Variants in TMEM132D observed in about 807,000 individuals in gnomAD.
The protein encoded by TMEM132D is mature OL transmembrane protein.
TMEM132D carries 21 observed loss-of-function variants against 62.3 expected under a neutral mutation model. That is an observed-to-expected ratio of 0.34 (90% CI 0.24 to 0.49). The LOEUF (loss-of-function observed/expected upper bound fraction) is 0.49. Among genes scored for constraint, TMEM132D ranks in the 20% least tolerant of loss-of-function variants. The pLI is 0.99. For missense variants in TMEM132D, 1,346 were observed against 1,402.8 expected (o/e 0.96, Z 0.65); for synonymous variants, 621 against 575.6 (o/e 1.08, Z -1.13).
At chr12:129,148,827 C>A (rs1409185371) in intron 5 of TMEM132D, among the ~76,000 whole-genome samples, 1 of 148,570 alleles carries the variant, frequency 6.7e-6, no homozygotes, top group Non-Finnish European at 1.5e-5. Context: ...CCTCACCCCG[C>A]CCCCACCCTC....
At chr12:129,819,946 G>A (rs76366042) in intron 1 of TMEM132D, among the ~76,000 whole-genome samples, 49 of 152,206 alleles carry the variant, frequency 3.2e-4, no homozygotes, top group African/African-American at 6.5e-4. Context: ...TTCCAAGACC[G>A]CACGTGCACC....
chr12:129,460,763 G>T (rs939364082), intron 3 of TMEM132D, among the ~76,000 whole-genome samples: 2 of 152,288 alleles, frequency 1.3e-5, no homozygotes, highest in African/African-American at 2.4e-5. Flanking sequence ...GTTTCTATGT[G>T]TGTGTGTGAT....
At chr12:129,372,285 C>A (rs1270327508) in intron 3 of TMEM132D, among the ~76,000 whole-genome samples, 1 of 152,200 alleles carries the variant, frequency 6.6e-6, no homozygotes, top group Non-Finnish European at 1.5e-5. Flanking sequence ...GGCCAGGGGT[C>A]CCCAGTCTGT....
chr12:129,616,655 C>A (rs1878924451), intron 2 of TMEM132D, among the ~76,000 whole-genome samples: 3 of 152,176 alleles, frequency 2.0e-5, no homozygotes, highest in Non-Finnish European at 2.9e-5. Context: ...TTGTTCGGCA[C>A]TTCTCCTTGC....
chr12:129,380,998 G>A (rs76806711), intron 3 of TMEM132D, among the ~76,000 whole-genome samples: 18 of 152,208 alleles, frequency 1.2e-4, no homozygotes, highest in African/African-American at 4.1e-4. Flanking sequence ...TTTGGATAAG[G>A]GTGTAAAGAA....
intron 3 of TMEM132D, among the ~76,000 whole-genome samples, chr12:129,353,115 C>T (rs1433910742): frequency 1.3e-5 from 2 of 151,334 alleles, no homozygotes; most frequent in Non-Finnish European, 2.9e-5. Context: ...CCCTGCCTCC[C>T]TCCCTCCCTT....
chr12:129,542,543 G>T (rs75175522), intron 2 of TMEM132D, among the ~76,000 whole-genome samples: 2,927 of 152,248 alleles, frequency 0.019, 40 homozygotes, highest in Non-Finnish European at 0.031. Context: ...TATAAGAGAA[G>T]TTCCTCTTGC....
At chr12:129,224,066 C>T (rs1291413500) in intron 4 of TMEM132D, among the ~76,000 whole-genome samples, 1 of 152,174 alleles carries the variant, frequency 6.6e-6, no homozygotes, top group Non-Finnish European at 1.5e-5. Flanking sequence ...CTCCAGTCAT[C>T]GCCAGTGTCT....
chr12:129,264,176 G>A (rs1159625517), intron 4 of TMEM132D, among the ~76,000 whole-genome samples: 1 of 152,158 alleles, frequency 6.6e-6, no homozygotes, highest in African/African-American at 2.4e-5. Context: ...ATCGCTTGAG[G>A]CCAGGAGTTC....
At chr12:129,850,104 G>T (rs1873492102) in intron 1 of TMEM132D, among the ~76,000 whole-genome samples, 1 of 152,186 alleles carries the variant, frequency 6.6e-6, no homozygotes, top group Admixed American at 6.5e-5. Context: ...CTTTCTGAAG[G>T]TATTTTGTGG....
chr12:129,781,632 C>T (rs1273328681), intron 1 of TMEM132D, among the ~76,000 whole-genome samples: 2 of 152,058 alleles, frequency 1.3e-5, no homozygotes, highest in Admixed American at 1.3e-4. Context: ...CTTTGGTTAC[C>T]ACTATCACAT....
At chr12:129,666,527 T>G (rs1350070770) in intron 2 of TMEM132D, among the ~76,000 whole-genome samples, 1 of 152,238 alleles carries the variant, frequency 6.6e-6, no homozygotes, top group East Asian at 1.9e-4. Context: ...TAAGGTCAGA[T>G]ATCAAATCTG....
chr12:129,772,395 T>C (rs960977566), intron 1 of TMEM132D, among the ~76,000 whole-genome samples: 3 of 152,224 alleles, frequency 2.0e-5, no homozygotes, highest in African/African-American at 7.2e-5. Flanking sequence ...TTAAGTCATT[T>C]AAATGGGAAA....
intron 4 of TMEM132D, among the ~76,000 whole-genome samples, chr12:129,242,182 G>A (rs957491207): frequency 2.0e-5 from 3 of 152,084 alleles, no homozygotes; most frequent in African/African-American, 4.8e-5. Flanking sequence ...AGAAGAATGG[G>A]GTTTTACAAC....
chr12:129,571,283 A>G (rs2137119508), intron 2 of TMEM132D, among the ~76,000 whole-genome samples: 1 of 152,238 alleles, frequency 6.6e-6, no homozygotes, highest in Middle Eastern at 3.4e-3. Flanking sequence ...TTGAAATTTA[A>G]GGCCGGGCGT....
At chr12:129,734,099 G>A (rs978389991) in intron 1 of TMEM132D, among the ~76,000 whole-genome samples, 3 of 152,130 alleles carry the variant, frequency 2.0e-5, no homozygotes, top group Non-Finnish European at 4.4e-5. Context: ...GACTGAAAAA[G>A]GACAATCTTG....
chr12:129,886,516 G>A (rs1282259697), intron 1 of TMEM132D, among the ~76,000 whole-genome samples: 1 of 152,134 alleles, frequency 6.6e-6, no homozygotes, highest in Non-Finnish European at 1.5e-5. Flanking sequence ...GAAGGTCTTT[G>A]CATCGCCCCT....
At chr12:129,713,264 A>G (rs1253509822) in intron 1 of TMEM132D, among the ~76,000 whole-genome samples, 1 of 152,196 alleles carries the variant, frequency 6.6e-6, no homozygotes, top group East Asian at 1.9e-4. Context: ...TGTGAGAAAC[A>G]CTATTCAAGC....
At chr12:129,572,135 A>T (rs1260933245) in intron 2 of TMEM132D, among the ~76,000 whole-genome samples, 1 of 152,234 alleles carries the variant, frequency 6.6e-6, no homozygotes, top group East Asian at 1.9e-4. Context: ...CCTTCCCGAC[A>T]GCGCACAGTG....
Sources: allele counts gnomAD v4.1 joint callset (sites outside exome capture counted in the v4.1 genomes callset), GRCh38; gene constraint gnomAD v4.1.1; transcripts MANE v1.5; gene names NCBI Gene and HGNC (gene_info 2026-07-23, HGNC 2026-07-21).